Variants in GJA3 observed in about 807,000 individuals in gnomAD.
The protein encoded by GJA3 is gap junction alpha-3 protein.
For missense variants in GJA3, 571 were observed against 620.3 expected (o/e 0.92, Z 0.84); for synonymous variants, 297 against 292.6 (o/e 1.02, Z -0.15).
chr13:20,161,255 C>G (rs1958936474), upstream of GJA3, among the ~76,000 whole-genome samples: 1 of 152,174 alleles, frequency 6.6e-6, no homozygotes, highest in South Asian at 2.1e-4. Context: ...GCCTGCATCC[C>G]CATCCCGCAC....
intron 1 of GJA3, among the ~76,000 whole-genome samples, chr13:20,150,809 C>T (rs1211540409): frequency 6.6e-6 from 1 of 152,132 alleles, no homozygotes; most frequent in Non-Finnish European, 1.5e-5. Context: ...TCAGCTGGGG[C>T]CTCTGAGGCA....
chr13:20,158,865 T>C (rs1448655064), intron 1 of GJA3, among the ~76,000 whole-genome samples: 1 of 134,792 alleles, frequency 7.4e-6, no homozygotes, highest in Admixed American at 8.7e-5. Context: ...GAGCCAAGAC[T>C]GTGCCACTGT....
chr13:20,152,527 G>A (rs9509060), intron 1 of GJA3, among the ~76,000 whole-genome samples: 37,653 of 151,858 alleles, frequency 0.25, 6,444 homozygotes, highest in African/African-American at 0.49. Flanking sequence ...TGGGATTACA[G>A]GCACCCACCA....
chr13:20,143,221 T>C lies in GJA3; in HGVS notation c.68A>G (p.Lys23Arg). 1.3e-6 allele frequency: 2 copies of C among 1,571,720 alleles called. No individual in the cohort carries two copies. Among genetic ancestry groups the C allele is most frequent in the Non-Finnish European group, 1.7e-6 (2 of 1,156,698 alleles). ...NAQEHSTVIG[K>R]VWLTVLFIFR... ...GATGAACAGCACGGTCAGCCAAACC[T>C]TGCCGATGACCGTGGAGTGCTCCTG... Residue 23 changes from lysine (K) to arginine (R), a missense_variant, in exon 2 of 2, where the codon AAG becomes AGG. Lys to Arg is a conservative substitution (Grantham distance 26). Coordinates refer to ENST00000241125, the MANE Select transcript of GJA3 (RefSeq NM_021954.4).
intron 1 of GJA3, among the ~76,000 whole-genome samples, chr13:20,146,400 T>A (rs1958843090): frequency 6.6e-6 from 1 of 152,202 alleles, no homozygotes; most frequent in Non-Finnish European, 1.5e-5. Context: ...AACTACTTAT[T>A]CAACTGGTAA....
At chr13:20,155,049 G>A (rs1209121012) in intron 1 of GJA3, among the ~76,000 whole-genome samples, 2 of 151,870 alleles carry the variant, frequency 1.3e-5, no homozygotes, top group Admixed American at 6.6e-5. Context: ...TGTGAAGATG[G>A]GGTCTCACTA....
rs1490737056 is a variant in GJA3 at position 20,140,834 on chromosome 13, T to G, written c.*1147A>C. The stretch of plus-strand genomic sequence containing the variant: ...AAGCTTGAAGTGTTTTATTCTGTAC[T>G]TTTTAAAAGTGTAGATTGTCATAGA... On this transcript the variant is annotated 3_prime_UTR_variant, in exon 2 of 2. Transcript: ENST00000241125. 2 of 152,276 alleles carry G rather than the reference T, an allele frequency of 1.3e-5. No individual in the cohort carries two copies. Among genetic ancestry groups the G allele is most frequent in the Admixed American group, 6.5e-5 (1 of 15,292 alleles). 9.4% of individuals were successfully genotyped at this position (152,276 alleles called of 1,614,324 possible). A position where few individuals can be genotyped will look rare whatever the true frequency, so the allele number is the denominator to read the frequency against.
chr13:20,151,483 G>C (rs2141142903), intron 1 of GJA3, among the ~76,000 whole-genome samples: 1 of 152,308 alleles, frequency 6.6e-6, no homozygotes, highest in Non-Finnish European at 1.5e-5. Flanking sequence ...ATGCTGGCGG[G>C]AAGTCACACA....
rs561655524 is a variant in GJA3, at chr13:20,141,345, G to A, written c.*636C>T. 6.6e-6 allele frequency: 1 copy of A among 152,540 alleles called. No individual in the cohort carries two copies. Among genetic ancestry groups the A allele is most frequent in the Non-Finnish European group, 1.5e-5 (1 of 68,028 alleles). The allele number at this position is 152,540 out of a possible 1,614,324, so 9.4% of individuals were successfully genotyped here. A position where few individuals can be genotyped will look rare whatever the true frequency, so the allele number is the denominator to read the frequency against. ...GCAACCTCTGGGGCCCTTGCCCACT[G>A]AGCCTGCCTCTGGAGGGCAACTGCT... On this transcript the variant is annotated 3_prime_UTR_variant, in exon 2 of 2. Transcript: ENST00000241125.
At chr13:20,150,381 GT>G (rs1958869817) in intron 1 of GJA3, among the ~76,000 whole-genome samples, 1 of 139,426 alleles carries the variant, frequency 7.2e-6, no homozygotes, top group Non-Finnish European at 1.6e-5. Flanking sequence ...TGGTGTGTGT[GT>G]GTGTGTGTGT....
At chr13:20,149,363 T>C (rs1958863085) in intron 1 of GJA3, among the ~76,000 whole-genome samples, 1 of 152,058 alleles carries the variant, frequency 6.6e-6, no homozygotes, top group African/African-American at 2.4e-5. Context: ...TGCATGCCTA[T>C]AGTACCAGCT....
In GJA3 at chr13:20,140,526, T is replaced by C. The variant is rs1453334632; in HGVS notation, c.*1455A>G. 6.6e-6 allele frequency: 1 copy of C among 151,922 alleles called. No homozygotes were observed. Among genetic ancestry groups the C allele is most frequent in the African/African-American group, 2.4e-5 (1 of 41,338 alleles). 9.4% of individuals were successfully genotyped at this position (151,922 alleles called of 1,614,324 possible). A position where few individuals can be genotyped will look rare whatever the true frequency, so the allele number is the denominator to read the frequency against. Reference sequence around the variant, plus strand: ...AATGATACTCAGTAGAAGTTGGAGGTGAAAAGTGTGAGTAGAAACAGGCTC... The same window carrying C: ...AATGATACTCAGTAGAAGTTGGAGGCGAAAAGTGTGAGTAGAAACAGGCTC... On this transcript the variant is annotated 3_prime_UTR_variant, in exon 2 of 2. Coordinates refer to ENST00000241125, the MANE Select transcript of GJA3 (RefSeq NM_021954.4).
intron 1 of GJA3, among the ~76,000 whole-genome samples, chr13:20,158,928 A>G (rs1424043263): frequency 2.0e-5 from 3 of 150,780 alleles, no homozygotes; most frequent in Non-Finnish European, 4.4e-5. Context: ...AAAAAAAAAA[A>G]AAAAAAAAGA....
rs186768864 is a variant in GJA3 at position 20,145,821 on chromosome 13, T to C, written c.-17-2516A>G. Among the ~76,000 whole-genome samples the C allele has an allele frequency of 2.3e-3, 349 of 152,256 alleles. 1 individual carries two copies. The highest frequency in any genetic ancestry group is 7.8e-3 in the African/African-American group (325 of 41,550). On this transcript the variant is annotated intron_variant, in intron 1 of 1. Coordinates refer to ENST00000241125, the MANE Select transcript of GJA3 (RefSeq NM_021954.4). Reference sequence around the variant, plus strand: ...GGTGCCCTGGGTTCTCTCTCCCCCTTGCCATGCCCTGGTTTAATGGCTGTC... The same window carrying C: ...GGTGCCCTGGGTTCTCTCTCCCCCTCGCCATGCCCTGGTTTAATGGCTGTC...
chr13:20,156,755 A>G (rs978634568), intron 1 of GJA3, among the ~76,000 whole-genome samples: 3 of 152,234 alleles, frequency 2.0e-5, no homozygotes, highest in African/African-American at 7.2e-5. Context: ...TACTTGAATA[A>G]ATATTCCCTC....
chr13:20,147,861 AG>A (rs1443462828), intron 1 of GJA3, among the ~76,000 whole-genome samples: 1 of 152,170 alleles, frequency 6.6e-6, no homozygotes, highest in Non-Finnish European at 1.5e-5. Flanking sequence ...CCAATGTCAG[AG>A]GATAATGACT....
chr13:20,153,023 C>T (rs901820424), intron 1 of GJA3, among the ~76,000 whole-genome samples: 23 of 152,130 alleles, frequency 1.5e-4, no homozygotes, highest in East Asian at 3.8e-4. Flanking sequence ...TTTCAGCCAC[C>T]GGCAAGACTG....
intron 1 of GJA3, among the ~76,000 whole-genome samples, chr13:20,154,016 C>T (rs1958894284): frequency 6.6e-6 from 1 of 152,186 alleles, no homozygotes; most frequent in Admixed American, 6.5e-5. Context: ...GGCAACAGTT[C>T]TAGATATACA....
At chr13:20,160,575 A>G (rs1958931096) in intron 1 of GJA3, among the ~76,000 whole-genome samples, 1 of 152,056 alleles carries the variant, frequency 6.6e-6, no homozygotes, top group Non-Finnish European at 1.5e-5. Context: ...AACAACTTAA[A>G]CTCGGCCTTG....
Sources: gnomAD v4.1 joint callset for allele counts (sites outside exome capture counted in the v4.1 genomes callset) on GRCh38, gnomAD v4.1.1 for gene constraint, MANE v1.5 for transcripts, NCBI Gene and HGNC (gene_info 2026-07-23, HGNC 2026-07-21) for gene names.